The following FOXP2 variants were observed in gnomAD, a reference collection of about 807,000 sequenced individuals.
The protein encoded by FOXP2 is forkhead box P2, also known as forkhead box protein P2.
Under a neutral mutation model 115.8 loss-of-function variants are expected in FOXP2, and 12 were observed. That is an observed-to-expected ratio of 0.10 (90% CI 0.07 to 0.17). FOXP2 has a LOEUF of 0.17. Among genes scored for constraint, FOXP2 ranks in the 10% least tolerant of loss-of-function variants. The pLI is 1.00. For missense variants in FOXP2, 629 were observed against 843.5 expected (o/e 0.75, Z 3.15); for synonymous variants, 328 against 297.7 (o/e 1.10, Z -1.05).
At chr7:114,426,765 ATGTTG>A in intron 2 of FOXP2, 86 bp downstream of exon 2, 2 of 1,368,688 alleles carry the variant, frequency 1.5e-6, no homozygotes, top group South Asian at 2.5e-5. Flanking sequence ...CAAACTGAGC[ATGTTG>A]TGTTAAGCTA....
At chr7:114,124,044 A>G (rs763241237) in intron 1 of FOXP2, among the ~76,000 whole-genome samples, 17 of 151,976 alleles carry the variant, frequency 1.1e-4, no homozygotes, top group Non-Finnish European at 2.4e-4. Context: ...TTTTCCTTTT[A>G]TGGGTTTCTT....
At position 114,691,651 on chromosome 7, in the gene FOXP2, T is replaced by C. The variant is rs1277606141; in HGVS notation, c.*1725T>C. 6.6e-6 allele frequency: 3 copies of C among 453,978 alleles called. No homozygotes were observed. Among genetic ancestry groups the C allele is most frequent in the Non-Finnish European group, 1.3e-5 (3 of 226,738 alleles). 28.1% of individuals were successfully genotyped at this position (453,978 alleles called of 1,614,324 possible). ...CATGTGCTGTGCCAAGTCTTGATAA[T>C]ACTTTTTCCCCCAACCAAGGGACCT... On this transcript the variant is annotated 3_prime_UTR_variant, in exon 17 of 17. Transcript: ENST00000350908.
intron 2 of FOXP2, among the ~76,000 whole-genome samples, chr7:114,481,944 C>T (rs1362979038): frequency 4.0e-5 from 6 of 151,162 alleles, no homozygotes; most frequent in Non-Finnish European, 8.9e-5. Flanking sequence ...GAAAATGTTC[C>T]AGACCTGCTT....
intron 2 of FOXP2, among the ~76,000 whole-genome samples, chr7:114,367,877 T>G (rs973698371): frequency 6.6e-6 from 1 of 152,198 alleles, no homozygotes; most frequent in Non-Finnish European, 1.5e-5. Flanking sequence ...TAAATACACG[T>G]GTATATACAT....
chr7:114,425,407 CT>C (rs1458616536), intron 1 of FOXP2, among the ~76,000 whole-genome samples: 1 of 151,458 alleles, frequency 6.6e-6, no homozygotes, highest in African/African-American at 2.4e-5. Flanking sequence ...ATTCAGAGGT[CT>C]TTGAGAGCCA....
At chr7:114,317,863 A>G (rs1241063975) in intron 2 of FOXP2, among the ~76,000 whole-genome samples, 1 of 152,040 alleles carries the variant, frequency 6.6e-6, no homozygotes, top group African/African-American at 2.4e-5. Context: ...GCTGTTTGTT[A>G]AACACACTAA....
At chr7:114,382,339 T>C (rs1178464100) in intron 2 of FOXP2, among the ~76,000 whole-genome samples, 1 of 152,216 alleles carries the variant, frequency 6.6e-6, no homozygotes, top group African/African-American at 2.4e-5. Context: ...CCCTCAGTCC[T>C]GCTGCTGGAT....
chr7:114,536,395 T>C (rs1799395585), intron 3 of FOXP2, among the ~76,000 whole-genome samples: 1 of 114,026 alleles, frequency 8.8e-6, no homozygotes, highest in African/African-American at 3.8e-5. Context: ...AGTTTTTCTT[T>C]TCTTTTTTTT....
In FOXP2 at chr7:114,459,305, C is replaced by A. The variant is rs542616899; in HGVS notation, c.168+32626C>A. 5.9e-5 allele frequency among the ~76,000 whole-genome samples: 9 copies of A among 152,150 alleles called. No individual in the cohort carries two copies. The East Asian group carries it at 1.7e-3, about 30-fold the overall frequency. ...GAAGAGCCGTAGGAACTACTGGGAG[C>A]CATATTTAGTGATGAGCTGCCATGG... On this transcript the variant is annotated intron_variant, in intron 2 of 16. Transcript: ENST00000350908.
chr7:114,420,323 T>G (rs1793562332), intron 1 of FOXP2, among the ~76,000 whole-genome samples: 1 of 151,944 alleles, frequency 6.6e-6, no homozygotes, highest in East Asian at 1.9e-4. Flanking sequence ...ATCACTAAGC[T>G]TTTTAAATAA....
At chr7:114,230,169 C>T (rs1207752559) in intron 1 of FOXP2, among the ~76,000 whole-genome samples, 1 of 151,704 alleles carries the variant, frequency 6.6e-6, no homozygotes, top group East Asian at 1.9e-4. Flanking sequence ...GTACCAGGAC[C>T]AAATCATGAA....
intron 2 of FOXP2, among the ~76,000 whole-genome samples, chr7:114,384,739 T>C (rs1480397464): frequency 6.6e-6 from 1 of 151,918 alleles, no homozygotes; most frequent in East Asian, 1.9e-4. Flanking sequence ...GCTACCTTTT[T>C]GCTTTTTTTT....
intron 3 of FOXP2, among the ~76,000 whole-genome samples, chr7:114,603,242 T>C (rs983526734): frequency 3.3e-5 from 5 of 152,188 alleles, no homozygotes; most frequent in African/African-American, 7.2e-5. Context: ...CTTTACCCAC[T>C]ATCATAAAAC....
intron 3 of FOXP2, 77 bp from the exon 4 acceptor site, chr7:114,628,463 C>T (rs1413415765): frequency 6.4e-7 from 1 of 1,564,706 alleles, no homozygotes; most frequent in East Asian, 2.2e-5. Flanking sequence ...TAAAAGATAA[C>T]ATACTATTTG....
intron 1 of FOXP2, among the ~76,000 whole-genome samples, chr7:114,248,180 C>CAGAGAGAG (rs71314647): frequency 0.033 from 4,856 of 145,988 alleles, 117 homozygotes; most frequent in Middle Eastern, 0.071. Context: ...AGCTTAAAAA[C>CAGAGAGAG]AGAGAGAGAG....
chr7:114,461,338 T>C (rs1795550606), intron 2 of FOXP2, among the ~76,000 whole-genome samples: 1 of 152,230 alleles, frequency 6.6e-6, no homozygotes, highest in East Asian at 1.9e-4. Flanking sequence ...TTCTGTCTGA[T>C]TTTGTGAACT....
intron 2 of FOXP2, among the ~76,000 whole-genome samples, chr7:114,460,115 CATTT>C (rs145876718): frequency 3.6e-4 from 54 of 152,104 alleles, no homozygotes; most frequent in African/African-American, 1.2e-3. Context: ...ATGAAAATCA[CATTT>C]ATTTATTTAT....
chr7:114,138,370 CACA>C (rs1365260442), intron 1 of FOXP2, among the ~76,000 whole-genome samples: 1 of 150,538 alleles, frequency 6.6e-6, no homozygotes, highest in Non-Finnish European at 1.5e-5. Context: ...TCCTCCTCCC[CACA>C]ACAACTCTAT....
chr7:114,238,067 T>G (rs1420500865), intron 1 of FOXP2, among the ~76,000 whole-genome samples: 1 of 152,218 alleles, frequency 6.6e-6, no homozygotes, highest in Non-Finnish European at 1.5e-5. Flanking sequence ...CACAAACTTT[T>G]GACATATGTA....
Sources: gnomAD v4.1 joint callset for allele counts (sites outside exome capture counted in the v4.1 genomes callset) on GRCh38, gnomAD v4.1.1 for gene constraint, MANE v1.5 for transcripts, NCBI Gene and HGNC (gene_info 2026-07-23, HGNC 2026-07-21) for gene names.